PDE4D: variants seen among roughly 807,000 people sequenced by gnomAD.
The protein encoded by PDE4D is 3',5'-cyclic-AMP phosphodiesterase 4D.
A neutral mutation model predicts 87.4 loss-of-function variants in PDE4D; 24 were observed. That is an observed-to-expected ratio of 0.27 (90% CI 0.20 to 0.39). The LOEUF is 0.39. Among genes scored for constraint, PDE4D ranks in the 10% least tolerant of loss-of-function variants. The pLI is 1.00. For synonymous variants in PDE4D, 384 were observed against 383.2 expected (o/e 1.00, Z -0.02); for missense variants, 714 against 1,041.0 (o/e 0.69, Z 4.32).
At chr5:59,932,501 C>CT (rs1756079866) in intron 3 of PDE4D, among the ~76,000 whole-genome samples, 1 of 152,134 alleles carries the variant, frequency 6.6e-6, no homozygotes, top group Non-Finnish European at 1.5e-5. Context: ...TTATTAAGTC[C>CT]TCAGGTGAGG....
intron 1 of PDE4D, among the ~76,000 whole-genome samples, chr5:60,319,977 C>T (rs959820549): frequency 3.3e-5 from 5 of 152,206 alleles, no homozygotes; most frequent in South Asian, 4.1e-4. Flanking sequence ...TCTCCAGCTG[C>T]GTGCTGGGAG....
At chr5:59,302,810 A>G (rs189746266) in intron 1 of PDE4D, among the ~76,000 whole-genome samples, 1 of 152,262 alleles carries the variant, frequency 6.6e-6, no homozygotes, top group East Asian at 1.9e-4. Flanking sequence ...TTAGTTCCAC[A>G]GTTTTGCAAT....
chr5:60,253,031 C>T (rs1356640783), intron 1 of PDE4D, among the ~76,000 whole-genome samples: 1 of 151,816 alleles, frequency 6.6e-6, no homozygotes, highest in African/African-American at 2.4e-5. Flanking sequence ...ACTGAAGAAA[C>T]AATTTACCAG....
intron 2 of PDE4D, among the ~76,000 whole-genome samples, chr5:60,132,495 A>C (rs1037462463): frequency 2.6e-5 from 4 of 152,156 alleles, no homozygotes; most frequent in African/African-American, 4.8e-5. Context: ...TATTTCAGTA[A>C]AAAATAATAG....
chr5:59,980,979 T>A (rs1216388025), intron 3 of PDE4D, among the ~76,000 whole-genome samples: 1 of 152,154 alleles, frequency 6.6e-6, no homozygotes, highest in Admixed American at 6.6e-5. Context: ...GGGCCAGGCA[T>A]GATGGCTCAC....
chr5:60,409,952 C>A (rs146525639), intron 1 of PDE4D, among the ~76,000 whole-genome samples: 2 of 152,040 alleles, frequency 1.3e-5, no homozygotes, highest in Non-Finnish European at 1.5e-5. Flanking sequence ...TAGAGGAGAG[C>A]CCGAGGGATG....
At position 59,757,946 on chromosome 5, in the gene PDE4D, T is replaced by G. The variant is rs114324875; in HGVS notation, c.455+135222A>C. ...TTCTATACAAGCCACATGTGTAAACTAATAAACTGAGATTCCACACCAAAA... is the reference window on the plus strand; with the variant it reads ...TTCTATACAAGCCACATGTGTAAACGAATAAACTGAGATTCCACACCAAAA... On this transcript the variant is annotated intron_variant, in intron 1 of 14. Coordinates refer to ENST00000340635, the MANE Select transcript of PDE4D (RefSeq NM_001104631.2). Among the ~76,000 whole-genome samples, 325 of 152,308 alleles carry G rather than the reference T, an allele frequency of 2.1e-3. 2 individuals carry two copies. The highest frequency in any genetic ancestry group is 7.5e-3 in the African/African-American group (310 of 41,576).
intron 1 of PDE4D, among the ~76,000 whole-genome samples, chr5:59,792,402 C>CTCTGTGTGTGTGTGTGTGTGTG (rs376998746): frequency 7.2e-6 from 1 of 138,776 alleles, no homozygotes; most frequent in African/African-American, 2.8e-5. Flanking sequence ...CTCCAAGAAG[C>CTCTGTGTGTGTGTGTGTGTGTG]TGTGTGTGTG....
intron 1 of PDE4D, among the ~76,000 whole-genome samples, chr5:59,828,791 G>A (rs1477054629): frequency 1.3e-5 from 2 of 152,068 alleles, no homozygotes; most frequent in Non-Finnish European, 2.9e-5. Flanking sequence ...TGCATCTCAT[G>A]AGCCCTAGTA....
chr5:59,599,715 C>T (rs966808395), intron 1 of PDE4D, among the ~76,000 whole-genome samples: 1 of 152,084 alleles, frequency 6.6e-6, no homozygotes, highest in Non-Finnish European at 1.5e-5. Context: ...CTCCCCTCTC[C>T]CAGCTGGGCC....
intron 1 of PDE4D, among the ~76,000 whole-genome samples, chr5:59,715,694 A>G (rs1754913190): frequency 1.3e-5 from 2 of 152,336 alleles, no homozygotes; most frequent in African/African-American, 4.8e-5. Context: ...ATGTGGCAAG[A>G]CCTATGGGAG....
At chr5:59,703,990 G>C (rs1753001091) in intron 1 of PDE4D, among the ~76,000 whole-genome samples, 1 of 152,064 alleles carries the variant, frequency 6.6e-6, no homozygotes, top group Admixed American at 6.6e-5. Flanking sequence ...GAGAAAGTGA[G>C]ACAGAGAAAG....
chr5:59,309,391 C>T (rs184969110), intron 1 of PDE4D, among the ~76,000 whole-genome samples: 7 of 152,302 alleles, frequency 4.6e-5, no homozygotes, highest in Admixed American at 4.6e-4. Context: ...TGATGCCAGG[C>T]ATGGATGGCC....
intron 2 of PDE4D, among the ~76,000 whole-genome samples, chr5:60,107,485 G>A (rs1777125108): frequency 4.6e-5 from 7 of 152,098 alleles, no homozygotes; most frequent in Admixed American, 4.6e-4. Flanking sequence ...AGAAAAAGAG[G>A]GAATCCTCCC....
At chr5:59,292,029 G>A (rs985674884) in intron 1 of PDE4D, among the ~76,000 whole-genome samples, 1 of 151,854 alleles carries the variant, frequency 6.6e-6, no homozygotes, top group African/African-American at 2.4e-5. Context: ...GTTGCTTTAT[G>A]GAAAATGGAA....
At chr5:59,677,271 G>T (rs753942176) in intron 1 of PDE4D, among the ~76,000 whole-genome samples, 1 of 152,100 alleles carries the variant, frequency 6.6e-6, no homozygotes, top group Non-Finnish European at 1.5e-5. Flanking sequence ...ACATTTTGCA[G>T]TCTTACACAG....
At chr5:59,441,953 C>T (rs932371687) in intron 1 of PDE4D, among the ~76,000 whole-genome samples, 1 of 152,208 alleles carries the variant, frequency 6.6e-6, no homozygotes, top group Non-Finnish European at 1.5e-5. Context: ...GGAAAAAACA[C>T]ACTTAATAGT....
At chr5:59,289,195 G>A (rs574647225) in intron 1 of PDE4D, among the ~76,000 whole-genome samples, 1 of 152,040 alleles carries the variant, frequency 6.6e-6, no homozygotes, top group East Asian at 1.9e-4. Context: ...TTTTAAAGCG[G>A]GGGACAAAGT....
intron 2 of PDE4D, among the ~76,000 whole-genome samples, chr5:60,166,095 T>G (rs1281870161): frequency 6.6e-6 from 1 of 152,054 alleles, no homozygotes; most frequent in Non-Finnish European, 1.5e-5. Flanking sequence ...TTTATAAAAT[T>G]TATTTATTTA....
Sources: allele counts gnomAD v4.1 joint callset (sites outside exome capture counted in the v4.1 genomes callset), GRCh38; gene constraint gnomAD v4.1.1; transcripts MANE v1.5; gene names NCBI Gene and HGNC (gene_info 2026-07-23, HGNC 2026-07-21).